The following ERC2 variants were observed in gnomAD, a reference collection of about 807,000 sequenced individuals.
The protein encoded by ERC2 is ERC protein 2.
A neutral mutation model predicts 114.8 loss-of-function variants in ERC2; 42 were observed. The observed-to-expected ratio is 0.37, with a 90% confidence interval of 0.29 to 0.47. The LOEUF (loss-of-function observed/expected upper bound fraction) is 0.47. Among genes scored for constraint, ERC2 ranks in the 20% least tolerant of loss-of-function variants. The probability of loss-of-function intolerance (pLI) is 0.99; values close to 1 mark genes in which losing one functional copy is unlikely to be tolerated. For synonymous variants in ERC2, 454 were observed against 425.5 expected (o/e 1.07, Z -0.82); for missense variants, 939 against 1,150.7 (o/e 0.82, Z 2.66).
chr3:56,299,885 C>G (rs921080565), intron 2 of ERC2, among the ~76,000 whole-genome samples: 1 of 152,134 alleles, frequency 6.6e-6, no homozygotes, highest in African/African-American at 2.4e-5. Context: ...TAAGATTGGT[C>G]TTCTTAAGAT....
chr3:56,184,604 A>G (rs1403420428), intron 3 of ERC2, among the ~76,000 whole-genome samples: 1 of 150,908 alleles, frequency 6.6e-6, no homozygotes, highest in Non-Finnish European at 1.5e-5. Context: ...CATACCCAAG[A>G]TTGCAAGGGT....
Position 55,955,996 on chromosome 3 carries a change from GA to G in ERC2, c.2268-5437del, listed in dbSNP as rs147792774. Among the ~76,000 whole-genome samples, 919 of 152,344 alleles carry G rather than the reference GA, an allele frequency of 6.0e-3. 15 individuals are homozygous for G. Among genetic ancestry groups the G allele is most frequent in the African/African-American group, 0.021 (883 of 41,584 alleles). The stretch of plus-strand genomic sequence containing the variant: ...TGTATCTAACTCATAGGGTGATTGT[GA>G]GGGGTTGATGAGTTAGTACTGGTAA... On this transcript the variant is annotated intron_variant, in intron 12 of 17. Coordinates refer to ENST00000288221, the MANE Select transcript of ERC2 (RefSeq NM_015576.3).
intron 2 of ERC2, among the ~76,000 whole-genome samples, chr3:56,406,496 G>T (rs1191605689): frequency 6.6e-6 from 1 of 152,190 alleles, no homozygotes; most frequent in Non-Finnish European, 1.5e-5. Flanking sequence ...CTGGCTTCAT[G>T]GGCATGGCCT....
At chr3:56,314,506 G>A (rs556017694) in intron 2 of ERC2, among the ~76,000 whole-genome samples, 1 of 151,400 alleles carries the variant, frequency 6.6e-6, no homozygotes, top group East Asian at 1.9e-4. Flanking sequence ...TCCAGTGGGT[G>A]GGGGGGTGGG....
intron 4 of ERC2, among the ~76,000 whole-genome samples, chr3:56,156,100 G>A (rs939583426): frequency 1.2e-4 from 18 of 152,082 alleles, no homozygotes; most frequent in African/African-American, 1.9e-4. Flanking sequence ...CTGTGGAGAC[G>A]ACAAAACCAT....
At chr3:56,073,745 A>G (rs1217545818) in intron 7 of ERC2, among the ~76,000 whole-genome samples, 1 of 152,200 alleles carries the variant, frequency 6.6e-6, no homozygotes. Context: ...AGCTGCTTAC[A>G]TGTCTCAAAT....
chr3:55,591,574 C>CGT (rs3059305), intron 17 of ERC2, among the ~76,000 whole-genome samples: 54,855 of 148,098 alleles, frequency 0.37, 10,483 homozygotes, highest in Admixed American at 0.48. Context: ...AGTTTGTGTG[C>CGT]GTGTGTGTGT....
At chr3:55,629,710 T>C (rs533330500) in intron 17 of ERC2, among the ~76,000 whole-genome samples, 246 of 152,334 alleles carry the variant, frequency 1.6e-3, no homozygotes, top group Middle Eastern at 6.8e-3. Flanking sequence ...CATGAATAGA[T>C]GTTCTACTGA....
chr3:55,595,571 C>A (rs1005218801), intron 17 of ERC2, among the ~76,000 whole-genome samples: 11 of 152,190 alleles, frequency 7.2e-5, no homozygotes, highest in African/African-American at 2.7e-4. Context: ...ATAGGCAGCG[C>A]ATTAAGGCTC....
intron 2 of ERC2, among the ~76,000 whole-genome samples, chr3:56,342,322 C>T (rs2150496516): frequency 6.6e-6 from 1 of 152,370 alleles, no homozygotes; most frequent in Admixed American, 6.5e-5. Context: ...CGTAACACTT[C>T]ATTCACTAAG....
intron 7 of ERC2, among the ~76,000 whole-genome samples, chr3:56,061,179 C>A (rs149095675): frequency 6.6e-6 from 1 of 152,274 alleles, no homozygotes; most frequent in East Asian, 1.9e-4. Context: ...TAAATAATAA[C>A]AGGATCTAGC....
intron 2 of ERC2, among the ~76,000 whole-genome samples, chr3:56,348,162 CT>C (rs1453811063): frequency 6.6e-6 from 1 of 152,188 alleles, no homozygotes; most frequent in Non-Finnish European, 1.5e-5. Flanking sequence ...TTCTGTCTTG[CT>C]TCCCTCTTCC....
chr3:55,549,930 A>AG (rs1553699142), intron 17 of ERC2, among the ~76,000 whole-genome samples: 3 of 94,048 alleles, frequency 3.2e-5, no homozygotes, highest in African/African-American at 1.3e-4. Flanking sequence ...CGACACACAC[A>AG]AGAGAGAGAG....
intron 14 of ERC2, among the ~76,000 whole-genome samples, chr3:55,809,681 T>C (rs2059640289): frequency 6.6e-6 from 1 of 152,190 alleles, no homozygotes; most frequent in Non-Finnish European, 1.5e-5. Flanking sequence ...CAGGGCCATT[T>C]GTCTATCAAC....
Position 56,296,098 on chromosome 3 carries a change from A to C in ERC2, c.995T>G (p.Met332Arg), listed in dbSNP as rs775124362. Residue 332 changes from methionine to arginine, a missense_variant, in exon 3 of 18, where the codon ATG becomes AGG. Met to Arg is a moderately conservative substitution (Grantham distance 91, BLOSUM62 -1). Transcript: ENST00000288221. ...GCTGACCTGAGACTCAGCCTCTGCC[A>C]TCCGCCGCGTTCGCTCATTGTCATC... Reference protein sequence around the residue: ...LEDDNERTRRMAEAESQVSHL... With the variant: ...LEDDNERTRRRAEAESQVSHL... 2 of 1,613,666 alleles carry C rather than the reference A, an allele frequency of 1.2e-6. No homozygotes were observed. Among genetic ancestry groups the C allele is most frequent in the African/African-American group, 2.7e-5 (2 of 74,928 alleles).
At chr3:55,984,444 T>A (rs763148471) in intron 12 of ERC2, among the ~76,000 whole-genome samples, 22 of 151,924 alleles carry the variant, frequency 1.4e-4, no homozygotes, top group Non-Finnish European at 2.5e-4. Flanking sequence ...TATTAAGAGG[T>A]ACAGGTTAGG....
At chr3:55,748,534 A>T (rs2066452758) in intron 14 of ERC2, among the ~76,000 whole-genome samples, 1 of 152,204 alleles carries the variant, frequency 6.6e-6, no homozygotes, top group African/African-American at 2.4e-5. Context: ...CCCTGTGATG[A>T]TGCCACCAGA....
chr3:55,606,945 G>C (rs2058665911), intron 17 of ERC2: 1 of 152,390 alleles, frequency 6.6e-6, no homozygotes, highest in Non-Finnish European at 1.5e-5. Context: ...GTGCCTACGT[G>C]CCTCCGACAG....
At chr3:56,267,310 G>A (rs751047591) in intron 3 of ERC2, among the ~76,000 whole-genome samples, 8 of 152,130 alleles carry the variant, frequency 5.3e-5, no homozygotes, top group Non-Finnish European at 8.8e-5. Flanking sequence ...TGCTATTTGG[G>A]TCAACGTGGG....
Sources: allele counts gnomAD v4.1 joint callset (sites outside exome capture counted in the v4.1 genomes callset), GRCh38; gene constraint gnomAD v4.1.1; transcripts MANE v1.5; gene names NCBI Gene and HGNC (gene_info 2026-07-23, HGNC 2026-07-21).